NDST3: variants seen among roughly 807,000 people sequenced by gnomAD.
NDST3 encodes bifunctional heparan sulfate N-deacetylase/N-sulfotransferase 3.
A neutral mutation model predicts 96.1 loss-of-function variants in NDST3; 58 were observed. The ratio of observed to expected loss-of-function variants is 0.60; its 90% CI spans 0.49 to 0.75. The LOEUF (loss-of-function observed/expected upper bound fraction) is 0.75, where lower values mean the gene tolerates loss of function less well. Ranked by LOEUF, NDST3 falls within the 30% of genes least tolerant of loss-of-function variation. The pLI is 0.00. For missense variants in NDST3, 788 were observed against 1,034.2 expected (o/e 0.76, Z 3.27); for synonymous variants, 333 against 359.7 (o/e 0.93, Z 0.84).
intron 2 of NDST3, among the ~76,000 whole-genome samples, chr4:118,080,169 A>C (rs574938720): frequency 7.2e-5 from 11 of 152,200 alleles, no homozygotes; most frequent in African/African-American, 2.6e-4. Context: ...AAAGTACTTA[A>C]AACAGTACCT....
chr4:118,255,957 C>A lies in NDST3; in HGVS notation c.*245C>A, dbSNP rs547617225. 9 of 286,126 alleles carry A rather than the reference C, an allele frequency of 3.1e-5. No individual in the cohort carries two copies. The highest frequency in any genetic ancestry group is 5.1e-5 in the Admixed American group (1 of 19,724). 17.7% of individuals were successfully genotyped at this position (286,126 alleles called of 1,614,324 possible). ...TGGGATTATTGTAGACTACTGTGCA[C>A]TCATGTGGAAGTCAATTGCAACCAA... On this transcript the variant is annotated 3_prime_UTR_variant, in exon 14 of 14. Coordinates refer to ENST00000296499, the MANE Select transcript of NDST3 (RefSeq NM_004784.3).
chr4:118,065,301 T>C (rs959058729), intron 2 of NDST3, among the ~76,000 whole-genome samples: 2 of 152,160 alleles, frequency 1.3e-5, no homozygotes, highest in African/African-American at 4.8e-5. Context: ...GGCATATACA[T>C]GCTCAAACAA....
chr4:118,111,839 T>C (rs4566725), intron 3 of NDST3, among the ~76,000 whole-genome samples: 128,402 of 151,554 alleles, frequency 0.85, 56,118 homozygotes, highest in South Asian at 0.96. Flanking sequence ...CAGATTTCAC[T>C]ATGATATTCA....
chr4:118,184,755 T>C (rs1202114817), intron 6 of NDST3, among the ~76,000 whole-genome samples: 1 of 152,206 alleles, frequency 6.6e-6, no homozygotes, highest in Non-Finnish European at 1.5e-5. Context: ...AAATGTGCTT[T>C]CATTCTATGC....
At chr4:118,169,372 G>A (rs1173032296) in intron 6 of NDST3, among the ~76,000 whole-genome samples, 4 of 151,916 alleles carry the variant, frequency 2.6e-5, no homozygotes, top group African/African-American at 9.7e-5. Context: ...CATTGGATCT[G>A]GAATTTTTAA....
chr4:118,107,677 G>A (rs545013980), intron 3 of NDST3, among the ~76,000 whole-genome samples: 1 of 152,236 alleles, frequency 6.6e-6, no homozygotes, highest in Non-Finnish European at 1.5e-5. Flanking sequence ...AACTCTTGTA[G>A]CTTAGAAAAC....
chr4:118,175,635 C>T (rs977474879), intron 6 of NDST3, among the ~76,000 whole-genome samples: 7 of 152,094 alleles, frequency 4.6e-5, no homozygotes, highest in Non-Finnish European at 8.8e-5. Context: ...GGGAGGCACA[C>T]GCCATGGGCC....
At chr4:118,058,386 T>G (rs1216985481) in intron 2 of NDST3, among the ~76,000 whole-genome samples, 1 of 142,610 alleles carries the variant, frequency 7.0e-6, no homozygotes, top group Non-Finnish European at 1.5e-5. Flanking sequence ...CAGAAGAAAC[T>G]GTGACATGGC....
chr4:118,220,598 C>T (rs545142590), intron 6 of NDST3, among the ~76,000 whole-genome samples: 113 of 151,964 alleles, frequency 7.4e-4, no homozygotes, highest in Non-Finnish European at 1.5e-3. Context: ...ACTTGTATCC[C>T]GGAACTTAAA....
chr4:118,187,152 A>C (rs944274870), intron 6 of NDST3, among the ~76,000 whole-genome samples: 1 of 152,224 alleles, frequency 6.6e-6, no homozygotes, highest in Non-Finnish European at 1.5e-5. Flanking sequence ...ATGAATCTCT[A>C]TAATACCCAA....
intron 12 of NDST3, among the ~76,000 whole-genome samples, chr4:118,247,574 A>G (rs1209258063): frequency 6.6e-6 from 1 of 151,684 alleles, no homozygotes; most frequent in Admixed American, 6.5e-5. Context: ...AGAAAGAAAG[A>G]AAGAAAGACT....
chr4:118,202,101 T>C (rs993480365), intron 6 of NDST3, among the ~76,000 whole-genome samples: 41 of 152,188 alleles, frequency 2.7e-4, no homozygotes, highest in African/African-American at 9.9e-4. Context: ...GTGGTAGGTG[T>C]GCATCTTTAT....
intron 8 of NDST3, among the ~76,000 whole-genome samples, chr4:118,227,606 A>T (rs1263747417): frequency 1.6e-5 from 2 of 124,346 alleles, no homozygotes; most frequent in African/African-American, 5.4e-5. Flanking sequence ...ATCACCATAA[A>T]CTTTTTTTTT....
chr4:118,134,813 A>G (rs1732937294), intron 4 of NDST3, among the ~76,000 whole-genome samples: 1 of 152,214 alleles, frequency 6.6e-6, no homozygotes, highest in African/African-American at 2.4e-5. Context: ...TTTTTGAACC[A>G]TGTCCTCCAC....
In NDST3 at chr4:118,194,394, T is replaced by C. The variant is rs887575547; in HGVS notation, c.1540-30097T>C. 46 of 733,752 alleles carry C rather than the reference T, an allele frequency of 6.3e-5. 1 individual carries two copies. The highest frequency in any genetic ancestry group is 2.8e-4 in the Admixed American group (16 of 57,038). 45.5% of individuals were successfully genotyped at this position (733,752 alleles called of 1,614,324 possible). ...CACGAGTGTGGCATTGGGGAGATCT[T>C]TGGAGGACTGCCTGCTGCACCGAAG... On this transcript the variant is annotated intron_variant, in intron 6 of 13. Coordinates refer to ENST00000296499, the MANE Select transcript of NDST3 (RefSeq NM_004784.3).
chr4:118,074,828 T>C (rs577119018), intron 2 of NDST3, among the ~76,000 whole-genome samples: 1 of 152,302 alleles, frequency 6.6e-6, no homozygotes, highest in Admixed American at 6.5e-5. Context: ...AGTTGCTATA[T>C]AGTATATTTA....
At chr4:118,225,120 C>G (rs1363030096) in intron 7 of NDST3, among the ~76,000 whole-genome samples, 1 of 152,150 alleles carries the variant, frequency 6.6e-6, no homozygotes, top group East Asian at 1.9e-4. Context: ...ACACCAACAG[C>G]CAACAGCCAC....
chr4:118,085,886 TC>T (rs1004304758), intron 2 of NDST3, among the ~76,000 whole-genome samples: 2 of 152,182 alleles, frequency 1.3e-5, no homozygotes, highest in Non-Finnish European at 2.9e-5. Context: ...TTTTATGTGT[TC>T]CGCTGAGCAT....
intron 6 of NDST3, among the ~76,000 whole-genome samples, chr4:118,221,046 G>T (rs564700446): frequency 2.0e-5 from 3 of 152,036 alleles, no homozygotes; most frequent in Non-Finnish European, 4.4e-5. Flanking sequence ...TAAAATGCAG[G>T]TACCAGGGCC....
Sources: allele counts gnomAD v4.1 joint callset (sites outside exome capture counted in the v4.1 genomes callset), GRCh38; gene constraint gnomAD v4.1.1; transcripts MANE v1.5; gene names NCBI Gene and HGNC (gene_info 2026-07-23, HGNC 2026-07-21).